EHBP1: variants seen among roughly 807,000 people sequenced by gnomAD.
EHBP1 encodes EH domain binding protein 1, also known as EH domain-binding protein 1.
Under a neutral mutation model 144.0 loss-of-function variants are expected in EHBP1, and 55 were observed. The ratio of observed to expected loss-of-function variants is 0.38; its 90% CI spans 0.31 to 0.48. The LOEUF (loss-of-function observed/expected upper bound fraction) is 0.48, where lower values mean the gene tolerates loss of function less well. Ranked by LOEUF, EHBP1 falls within the 20% of genes least tolerant of loss-of-function variation. The pLI, the probability that EHBP1 is intolerant of heterozygous loss-of-function variation, is 0.98. For missense variants in EHBP1, 1,200 were observed against 1,364.2 expected, an observed-to-expected ratio of 0.88 and a Z score of 1.90; for synonymous variants, 469 against 472.7, an observed-to-expected ratio of 0.99 and a Z score of 0.10.
chr2:63,015,448 G>A (rs1030034996), intron 19 of EHBP1, among the ~76,000 whole-genome samples: 5 of 152,250 alleles, frequency 3.3e-5, no homozygotes, highest in Middle Eastern at 6.8e-3. Context: ...ATGGGAATTA[G>A]GATTCGTGTA....
intron 19 of EHBP1, among the ~76,000 whole-genome samples, chr2:63,008,410 T>C (rs1011197352): frequency 3.3e-5 from 5 of 151,702 alleles, no homozygotes; most frequent in African/African-American, 1.2e-4. Flanking sequence ...GTCTTGTTTT[T>C]TTCATTTTTT....
At chr2:62,873,269 G>A (rs1003860345) in intron 9 of EHBP1, among the ~76,000 whole-genome samples, 1 of 152,048 alleles carries the variant, frequency 6.6e-6, no homozygotes, top group Non-Finnish European at 1.5e-5. Flanking sequence ...TATAAAATAA[G>A]TATGTTTAAA....
At chr2:62,826,064 T>C (rs747271146) in intron 5 of EHBP1, 23 bp from the exon 6 acceptor site, 1 of 1,402,420 alleles carries the variant, frequency 7.1e-7, no homozygotes, top group Non-Finnish European at 9.4e-7. Context: ...AATTACATAC[T>C]TTTTTTTTCT....
At chr2:62,752,356 A>T (rs1237629355) in intron 3 of EHBP1, among the ~76,000 whole-genome samples, 1 of 151,572 alleles carries the variant, frequency 6.6e-6, no homozygotes, top group Non-Finnish European at 1.5e-5. Flanking sequence ...GACTGTTTTA[A>T]TTTCTGTTCT....
intron 3 of EHBP1, among the ~76,000 whole-genome samples, chr2:62,750,396 A>G (rs2039572929): frequency 6.6e-6 from 1 of 152,238 alleles, no homozygotes; most frequent in South Asian, 2.1e-4. Context: ...GCCTTGTAGT[A>G]TAGTTTGAAG....
intron 15 of EHBP1, 86 bp downstream of exon 15, chr2:62,979,421 T>C: frequency 7.1e-7 from 1 of 1,412,264 alleles, no homozygotes; most frequent in East Asian, 2.4e-5. Flanking sequence ...TACTTCAAAA[T>C]GTTGCTTCAA....
intron 14 of EHBP1, among the ~76,000 whole-genome samples, chr2:62,970,949 A>G (rs1173491639): frequency 6.6e-6 from 1 of 152,186 alleles, no homozygotes; most frequent in Non-Finnish European, 1.5e-5. Flanking sequence ...GCTTGCCTAG[A>G]TGTCGGTGAA....
At chr2:62,857,093 C>G (rs1422739673) in intron 7 of EHBP1, among the ~76,000 whole-genome samples, 1 of 152,128 alleles carries the variant, frequency 6.6e-6, no homozygotes, top group African/African-American at 2.4e-5. Flanking sequence ...AAATTCTTCC[C>G]TATAGGCTCC....
chr2:62,981,069 CAAAA>C (rs754301803), intron 15 of EHBP1, among the ~76,000 whole-genome samples: 1 of 48,290 alleles, frequency 2.1e-5, no homozygotes. Flanking sequence ...GATGCTGTCT[CAAAA>C]AAAAAAAAAA....
In EHBP1 at chr2:62,818,369, G is replaced by A. The variant is rs1416542426; in HGVS notation, c.313-7718G>A. On this transcript the variant is annotated intron_variant, in intron 5 of 22. Coordinates refer to ENST00000431489, the MANE Select transcript of EHBP1 (RefSeq NM_001142616.3). The stretch of plus-strand genomic sequence containing the variant: ...CCTTTTCCAAGTTTACGTATGTTTA[G>A]ATGCACAAAACCTACCATTGTGTTA... 2.0e-5 allele frequency among the ~76,000 whole-genome samples: 3 copies of A among 151,892 alleles called. No homozygotes were observed. The East Asian group carries it at 5.8e-4, about 30-fold the overall frequency.
intron 10 of EHBP1, among the ~76,000 whole-genome samples, chr2:62,923,337 A>G (rs1415639344): frequency 6.6e-6 from 1 of 152,192 alleles, no homozygotes; most frequent in Non-Finnish European, 1.5e-5. Context: ...CTGGCCAAAT[A>G]GCCACATGCC....
intron 19 of EHBP1, among the ~76,000 whole-genome samples, chr2:63,001,577 T>G (rs2059849930): frequency 6.6e-6 from 1 of 152,174 alleles, no homozygotes; most frequent in Non-Finnish European, 1.5e-5. Context: ...TATTAGATAT[T>G]TGGCTCTGTG....
intron 19 of EHBP1, among the ~76,000 whole-genome samples, chr2:63,021,739 G>A (rs1271554138): frequency 6.6e-6 from 1 of 151,826 alleles, no homozygotes; most frequent in Non-Finnish European, 1.5e-5. Context: ...GCTCTGTTCC[G>A]ACACCTTTCT....
At chr2:62,762,989 C>T (rs904435845) in intron 3 of EHBP1, among the ~76,000 whole-genome samples, 2 of 152,108 alleles carry the variant, frequency 1.3e-5, no homozygotes, top group South Asian at 2.1e-4. Context: ...TACTGCTATC[C>T]TCTTGACCAC....
intron 14 of EHBP1, among the ~76,000 whole-genome samples, chr2:62,962,094 G>A (rs767940284): frequency 3.3e-5 from 5 of 152,214 alleles, no homozygotes; most frequent in Non-Finnish European, 7.3e-5. Flanking sequence ...GGAGGCCAAG[G>A]TGAGCAGATA....
At chr2:63,026,809 T>A (rs890105209) in intron 19 of EHBP1, among the ~76,000 whole-genome samples, 1 of 152,188 alleles carries the variant, frequency 6.6e-6, no homozygotes, top group Non-Finnish European at 1.5e-5. Flanking sequence ...AAAGGTTGAC[T>A]CCTCCTATGA....
At chr2:62,917,617 C>A (rs896300495) in intron 10 of EHBP1, among the ~76,000 whole-genome samples, 1 of 152,130 alleles carries the variant, frequency 6.6e-6, no homozygotes, top group Non-Finnish European at 1.5e-5. Context: ...CATAACTTCT[C>A]CCTCATGGCA....
chr2:63,031,375 G>A (rs2153345561), intron 19 of EHBP1, among the ~76,000 whole-genome samples: 1 of 152,136 alleles, frequency 6.6e-6, no homozygotes, highest in East Asian at 1.9e-4. Context: ...GATTCTCCAA[G>A]AAGACTACTG....
At chr2:62,700,266 A>G (rs2034239312) in intron 1 of EHBP1, among the ~76,000 whole-genome samples, 1 of 152,234 alleles carries the variant, frequency 6.6e-6, no homozygotes, top group Non-Finnish European at 1.5e-5. Context: ...ATAAATCTCA[A>G]TCTAAAGAAA....
Sources: gnomAD v4.1 joint callset for allele counts (sites outside exome capture counted in the v4.1 genomes callset) on GRCh38, gnomAD v4.1.1 for gene constraint, MANE v1.5 for transcripts, NCBI Gene and HGNC (gene_info 2026-07-23, HGNC 2026-07-21) for gene names.